The following AFAP1 variants were observed in gnomAD, a reference collection of about 807,000 sequenced individuals.
AFAP1 encodes actin filament associated protein 1.
AFAP1 carries 75 observed loss-of-function variants against 93.9 expected under a neutral mutation model. The observed-to-expected ratio is 0.80, with a 90% CI of 0.66 to 0.97. The LOEUF is 0.97. Ranked by LOEUF, AFAP1 falls within the 50% of genes least tolerant of loss-of-function variation. The probability of loss-of-function intolerance (pLI) is 0.00; values close to 1 mark genes in which losing one functional copy is unlikely to be tolerated. For synonymous variants in AFAP1, 517 were observed against 430.7 expected, an observed-to-expected ratio of 1.20 and a Z score of -2.48; for missense variants, 1,201 against 1,050.8, an observed-to-expected ratio of 1.14 and a Z score of -1.98.
At chr4:7,765,892 C>T (rs182114055) in intron 17 of AFAP1, among the ~76,000 whole-genome samples, 23 of 152,286 alleles carry the variant, frequency 1.5e-4, no homozygotes, top group Admixed American at 1.0e-3. Context: ...GTGAAAGCCC[C>T]GACCACAGCG....
At chr4:7,864,286 T>C (rs1224044705) in intron 3 of AFAP1, among the ~76,000 whole-genome samples, 1 of 152,200 alleles carries the variant, frequency 6.6e-6, no homozygotes, top group Non-Finnish European at 1.5e-5. Context: ...TAGCTGGCTG[T>C]TTTTCTGGCT....
At chr4:7,815,946 A>C (rs1720429246) in intron 8 of AFAP1, 72 bp downstream of exon 8, 2 of 1,384,644 alleles carry the variant, frequency 1.4e-6, no homozygotes, top group African/African-American at 2.9e-5. Flanking sequence ...AGACTTTACA[A>C]ACCTGGCTGT....
At chr4:7,798,214 TGCAACTCTATTGGCTGGCTCACGGCAC>T in intron 10 of AFAP1, among the ~76,000 whole-genome samples, 1 of 139,706 alleles carries the variant, frequency 7.2e-6, no homozygotes, top group African/African-American at 2.8e-5. Context: ...CTCACGGCAC[TGCAACTCTATTGGCTGGCTCACGGCAC>T]TGCAACTCTA....
intron 2 of AFAP1, among the ~76,000 whole-genome samples, chr4:7,869,001 AAG>A (rs1304051684): frequency 6.6e-6 from 1 of 151,528 alleles, no homozygotes; most frequent in Non-Finnish European, 1.5e-5. Context: ...AGAAAAGAGA[AAG>A]AGAAAGGGAA....
intron 1 of AFAP1, among the ~76,000 whole-genome samples, chr4:7,915,874 G>A (rs1333476846): frequency 1.3e-5 from 2 of 152,194 alleles, no homozygotes; most frequent in African/African-American, 4.8e-5. Context: ...AAGGAATAGC[G>A]GATAAAGGAA....
Position 7,833,378 on chromosome 4 carries a change from G to A in AFAP1, c.726+5146C>T, listed in dbSNP as rs141191905. Among the ~76,000 whole-genome samples the A allele has an allele frequency of 6.4e-3, 974 of 152,094 alleles. 8 individuals are homozygous for A. Among genetic ancestry groups the A allele is most frequent in the African/African-American group, 0.022 (923 of 41,486 alleles). Reference sequence around the variant, plus strand: ...AATTCTCAAAAGAAGTTATAGAAATGGCCAACAAACATACAAAAAAATGCT... The same window carrying A: ...AATTCTCAAAAGAAGTTATAGAAATAGCCAACAAACATACAAAAAAATGCT... On this transcript the variant is annotated intron_variant, in intron 6 of 17. Transcript: ENST00000420658.
chr4:7,765,968 G>C (rs192659582), intron 17 of AFAP1, among the ~76,000 whole-genome samples: 1 of 152,206 alleles, frequency 6.6e-6, no homozygotes, highest in Non-Finnish European at 1.5e-5. Context: ...GGATGCAGAC[G>C]CCTGACTCCC....
In AFAP1 at chr4:7,838,437, C is replaced by CAAAATT. The variant is rs567891544; in HGVS notation, c.726+81_726+86dup. 6.4e-4 allele frequency: 924 copies of CAAAATT among 1,449,608 alleles called. 5 individuals carry two copies. The Middle Eastern group carries it at 6.7e-3, about 11-fold the overall frequency. 89.8% of individuals were successfully genotyped at this position (1,449,608 alleles called of 1,614,324 possible). On this transcript the variant is annotated intron_variant, in intron 6 of 17. Coordinates refer to ENST00000420658, the MANE Select transcript of AFAP1 (RefSeq NM_001134647.2). Reference sequence around the variant, plus strand: ...TGAATCCATCTTGCCTATGCTTGAACAAAATTAAAATTAAAATTAAAATTA... The same window carrying CAAAATT: ...TGAATCCATCTTGCCTATGCTTGAACAAAATTAAAATTAAAATTAAAATTAAAATTA...
intron 1 of AFAP1, among the ~76,000 whole-genome samples, chr4:7,906,319 T>G (rs1719398629): frequency 6.6e-6 from 1 of 152,216 alleles, no homozygotes. Flanking sequence ...TTCACAGAAC[T>G]GCTGAGGGAA....
chr4:7,768,930 G>T lies in AFAP1; in HGVS notation c.2332C>A (p.Pro778Thr). The T allele has an allele frequency of 6.2e-7, 1 of 1,613,806 alleles. No homozygotes were observed. The highest frequency in any genetic ancestry group is 1.1e-5 in the South Asian group (1 of 91,062). The change falls in exon 17 of 18, where the codon CCG (proline) becomes ACG (threonine). Residue 778 changes from proline to threonine, a missense_variant. Physicochemically the swap from Pro to Thr is conservative, Grantham distance 38. Transcript: ENST00000420658. Reference sequence around the variant, plus strand: ...TTCAAGACGGCCGCGCTGTTCACCGGCACGGGGCCCTCGGTGTCACTGGTG... The same window carrying T: ...TTCAAGACGGCCGCGCTGTTCACCGTCACGGGGCCCTCGGTGTCACTGGTG... ...CDTSDTEGPV[P>T]VNSAAVLKKS...
chr4:7,809,549 C>T, intron 9 of AFAP1, 65 bp downstream of exon 9: 20 of 1,545,400 alleles, frequency 1.3e-5, no homozygotes, highest in Non-Finnish European at 1.7e-5. Flanking sequence ...GTACCGACAC[C>T]ACTGCAGGAG....
chr4:7,799,960 A>G (rs1209400999), intron 10 of AFAP1, among the ~76,000 whole-genome samples: 1 of 152,214 alleles, frequency 6.6e-6, no homozygotes, highest in African/African-American at 2.4e-5. Context: ...CGCCGTCTAT[A>G]AGGCATTCAG....
At chr4:7,786,384 G>C (rs1379580677) in intron 11 of AFAP1, 73 bp from the exon 12 acceptor site, 1 of 1,266,068 alleles carries the variant, frequency 7.9e-7, no homozygotes. Context: ...TCTTTAATGA[G>C]TTCTGACTTT....
At position 7,872,011 on chromosome 4, in the gene AFAP1, G is replaced by T. The variant is rs1420328518; in HGVS notation, c.68C>A (p.Thr23Asn). The T allele has an allele frequency of 2.5e-6, 4 of 1,614,022 alleles. No homozygotes were observed. The African/African-American group carries it at 4.0e-5, about 16-fold the overall frequency. ...TATCACTGCCTTTTTCTCCCTGACAGTTGAGGTTAGATATTCATGGTCCAG... is the reference window on the plus strand; with the variant it reads ...TATCACTGCCTTTTTCTCCCTGACATTTGAGGTTAGATATTCATGGTCCAG... ...ELLDHEYLTS[T>N]VREKKAVITN... The change falls in exon 2 of 18, where the codon ACT becomes AAT. Residue 23 changes from threonine (T) to asparagine (N), a missense_variant. By Grantham distance (65) the Thr-to-Asn change is moderately conservative. Coordinates refer to ENST00000420658, the MANE Select transcript of AFAP1 (RefSeq NM_001134647.2).
chr4:7,883,917 G>A (rs1008810991), intron 1 of AFAP1, among the ~76,000 whole-genome samples: 4 of 152,172 alleles, frequency 2.6e-5, no homozygotes, highest in Admixed American at 6.6e-5. Flanking sequence ...TCGAGCAATA[G>A]CAATAATACA....
Position 7,824,424 on chromosome 4 carries a change from T to TACACACACAC in AFAP1, c.727-5263_727-5254dup, listed in dbSNP as rs10660353. On this transcript the variant is annotated intron_variant, in intron 6 of 17. Coordinates refer to ENST00000420658, the MANE Select transcript of AFAP1 (RefSeq NM_001134647.2). ...AAGGCTCATGTTTTCAGCATTTGTG[T>TACACACACAC]ACACACACACACACACACAGAGACA... Among the ~76,000 whole-genome samples the TACACACACAC allele has an allele frequency of 5.3e-3, 802 of 150,596 alleles. 7 individuals are homozygous for TACACACACAC. The highest frequency in any genetic ancestry group is 0.014 in the African/African-American group (568 of 40,984).
chr4:7,844,000 C>A (rs985574417), intron 4 of AFAP1, among the ~76,000 whole-genome samples: 1 of 152,174 alleles, frequency 6.6e-6, no homozygotes, highest in African/African-American at 2.4e-5. Context: ...TCTGCATGTG[C>A]CACGCCCTCT....
At position 7,809,677 on chromosome 4, in the gene AFAP1, C is replaced by T. The variant is rs1369324558; in HGVS notation, c.991G>A (p.Gly331Arg). Reference sequence around the variant, plus strand: ...TCGTCTGTGGACGGCTTTTTCTTTCCCAGACTGATGATCTTGGTGATTTTT... The same window carrying T: ...TCGTCTGTGGACGGCTTTTTCTTTCTCAGACTGATGATCTTGGTGATTTTT... Reference protein sequence around the residue: ...GKKITKIISLGKKKPSTDEQT... With the variant: ...GKKITKIISLRKKKPSTDEQT... The change falls in exon 9 of 18, where the codon GGA (glycine) becomes AGA (arginine). Residue 331 changes from glycine (G) to arginine (R), a missense_variant. Gly to Arg is a moderately radical substitution (Grantham distance 125). Coordinates refer to ENST00000420658, the MANE Select transcript of AFAP1 (RefSeq NM_001134647.2). The T allele has an allele frequency of 1.9e-5, 31 of 1,614,044 alleles. No individual in the cohort carries two copies. The highest frequency in any genetic ancestry group is 2.5e-5 in the Non-Finnish European group (30 of 1,179,962).
At chr4:7,789,633 G>A (rs1255534830) in intron 11 of AFAP1, among the ~76,000 whole-genome samples, 1 of 143,022 alleles carries the variant, frequency 7.0e-6, no homozygotes, top group Non-Finnish European at 1.5e-5. Flanking sequence ...CATCCCATCC[G>A]TGCATCTCCC....
Sources: gnomAD v4.1 joint callset for allele counts (sites outside exome capture counted in the v4.1 genomes callset) on GRCh38, gnomAD v4.1.1 for gene constraint, MANE v1.5 for transcripts, NCBI Gene and HGNC (gene_info 2026-07-23, HGNC 2026-07-21) for gene names.